Variants in GRID1 observed in about 807,000 individuals in gnomAD.
GRID1 encodes glutamate receptor ionotropic, delta-1.
In GRID1, 28 loss-of-function variants were observed where a neutral mutation model predicts 98.0. The ratio of observed to expected loss-of-function variants is 0.29; its 90% CI spans 0.21 to 0.39. GRID1 has a LOEUF of 0.39. Among genes scored for constraint, GRID1 ranks in the 10% least tolerant of loss-of-function variants. The pLI is 1.00. For missense variants in GRID1, 1,111 were observed against 1,340.5 expected (o/e 0.83, Z 2.67); for synonymous variants, 553 against 538.5 (o/e 1.03, Z -0.37).
intron 2 of GRID1, among the ~76,000 whole-genome samples, chr10:86,220,296 C>A (rs943066832): frequency 2.6e-5 from 4 of 152,080 alleles, no homozygotes; most frequent in African/African-American, 9.7e-5. Flanking sequence ...ACTGGCCCAG[C>A]GGTAAGAGGA....
intron 2 of GRID1, among the ~76,000 whole-genome samples, chr10:86,304,095 A>G (rs1847726944): frequency 2.6e-5 from 4 of 152,090 alleles, no homozygotes; most frequent in Admixed American, 2.6e-4. Flanking sequence ...CCCCACTCAG[A>G]GGAGGCATCA....
chr10:85,985,585 C>T (rs145850194), intron 4 of GRID1, among the ~76,000 whole-genome samples: 1 of 152,194 alleles, frequency 6.6e-6, no homozygotes, highest in Non-Finnish European at 1.5e-5. Flanking sequence ...GCAGCAAGAA[C>T]CTACATCTGG....
intron 4 of GRID1, among the ~76,000 whole-genome samples, chr10:85,992,787 AAAT>A (rs910986377): frequency 6.6e-6 from 1 of 151,666 alleles, no homozygotes; most frequent in African/African-American, 2.4e-5. Flanking sequence ...CTGTCTCTAA[AAAT>A]AATAATAATA....
intron 4 of GRID1, among the ~76,000 whole-genome samples, chr10:85,988,546 G>A (rs879448625): frequency 6.6e-6 from 1 of 152,156 alleles, no homozygotes; most frequent in Admixed American, 6.5e-5. Flanking sequence ...GGCCTAGGGG[G>A]ACTAGGGAAT....
chr10:85,767,057 C>A (rs1411254111), intron 8 of GRID1, among the ~76,000 whole-genome samples: 1 of 152,072 alleles, frequency 6.6e-6, no homozygotes, highest in Non-Finnish European at 1.5e-5. Flanking sequence ...TTGTCAAATT[C>A]CAATAAGGTT....
intron 3 of GRID1, among the ~76,000 whole-genome samples, chr10:86,176,792 T>A (rs1434906239): frequency 1.3e-5 from 2 of 151,940 alleles, no homozygotes; most frequent in African/African-American, 4.8e-5. Flanking sequence ...CCAGTCTAGG[T>A]AAGAAATGAT....
chr10:86,020,404 C>T (rs1356781834), intron 4 of GRID1, among the ~76,000 whole-genome samples: 3 of 152,342 alleles, frequency 2.0e-5, no homozygotes, highest in East Asian at 1.9e-4. Flanking sequence ...AGTCGACACT[C>T]GCCCATGCAG....
At chr10:86,062,201 G>A (rs1241256849) in intron 4 of GRID1, among the ~76,000 whole-genome samples, 1 of 152,172 alleles carries the variant, frequency 6.6e-6, no homozygotes, top group African/African-American at 2.4e-5. Context: ...TTCAGAGAAT[G>A]GCTTTCTGGC....
chr10:86,170,496 C>G (rs1312568405), intron 3 of GRID1, among the ~76,000 whole-genome samples: 1 of 152,234 alleles, frequency 6.6e-6, no homozygotes, highest in Non-Finnish European at 1.5e-5. Context: ...GGGCAATGCC[C>G]TGTTCTTTAA....
At chr10:85,701,785 G>GA (rs1286626777) in intron 12 of GRID1, among the ~76,000 whole-genome samples, 5 of 152,084 alleles carry the variant, frequency 3.3e-5, no homozygotes. Flanking sequence ...CTATGAGGAG[G>GA]AAAAACATAA....
chr10:86,233,202 T>G (rs2132037234), intron 2 of GRID1, among the ~76,000 whole-genome samples: 1 of 151,952 alleles, frequency 6.6e-6, no homozygotes, highest in East Asian at 2.0e-4. Flanking sequence ...AGCCGTCAGC[T>G]GCAGAAGGGG....
intron 4 of GRID1, among the ~76,000 whole-genome samples, chr10:86,038,997 T>A (rs1843309534): frequency 6.6e-6 from 1 of 152,154 alleles, no homozygotes; most frequent in Non-Finnish European, 1.5e-5. Context: ...TCCAAGCAGG[T>A]CAGAAATCCA....
chr10:85,918,481 G>C (rs1467947824), intron 4 of GRID1, among the ~76,000 whole-genome samples: 2 of 152,204 alleles, frequency 1.3e-5, no homozygotes, highest in East Asian at 1.9e-4. Flanking sequence ...GGAGGAGTTT[G>C]TTCCACCCCT....
chr10:86,025,246 G>A (rs1271218778), intron 4 of GRID1, among the ~76,000 whole-genome samples: 3 of 152,154 alleles, frequency 2.0e-5, no homozygotes, highest in African/African-American at 7.2e-5. Context: ...ACAGTACCAA[G>A]TCTTCCTTTT....
At chr10:85,834,179 TATC>T (rs1378342754) in intron 8 of GRID1, among the ~76,000 whole-genome samples, 3 of 152,144 alleles carry the variant, frequency 2.0e-5, no homozygotes, top group African/African-American at 7.2e-5. Context: ...TGTCAAGACA[TATC>T]ATAATAAAAC....
At chr10:86,109,765 C>T (rs1268405818) in intron 4 of GRID1, among the ~76,000 whole-genome samples, 1 of 152,168 alleles carries the variant, frequency 6.6e-6, no homozygotes, top group African/African-American at 2.4e-5. Flanking sequence ...CCAGGTGATT[C>T]TAACCTGCAG....
chr10:86,306,674 G>A (rs1336175721), intron 2 of GRID1, among the ~76,000 whole-genome samples: 4 of 152,190 alleles, frequency 2.6e-5, no homozygotes, highest in Non-Finnish European at 2.9e-5. Flanking sequence ...AAAGAGAGAG[G>A]GGGAAGAAGG....
At chr10:86,211,282 A>G (rs1846104149) in intron 2 of GRID1, among the ~76,000 whole-genome samples, 2 of 152,198 alleles carry the variant, frequency 1.3e-5, no homozygotes, top group African/African-American at 4.8e-5. Context: ...TCCATATTAT[A>G]TGGTCACAAA....
chr10:86,302,328 C>G (rs887871346), intron 2 of GRID1, among the ~76,000 whole-genome samples: 1 of 152,240 alleles, frequency 6.6e-6, no homozygotes, highest in Non-Finnish European at 1.5e-5. Context: ...CCAGGGGCAG[C>G]ACTGATGAGC....
Sources: allele counts gnomAD v4.1 joint callset (sites outside exome capture counted in the v4.1 genomes callset), GRCh38; gene constraint gnomAD v4.1.1; transcripts MANE v1.5; gene names NCBI Gene and HGNC (gene_info 2026-07-23, HGNC 2026-07-21).